The following PHACTR3 variants were observed in gnomAD, a reference collection of about 807,000 sequenced individuals.
PHACTR3 encodes protein phosphatase 1, regulatory subunit 123.
A neutral mutation model predicts 66.8 loss-of-function variants in PHACTR3; 16 were observed. That is an observed-to-expected ratio of 0.24 (90% CI 0.16 to 0.36). The LOEUF is 0.36. PHACTR3 is among the 10% of genes least tolerant of loss of function. PHACTR3 has a pLI of 1.00. For missense variants in PHACTR3, 647 were observed against 719.9 expected (o/e 0.90, Z 1.16); for synonymous variants, 323 against 292.1 (o/e 1.11, Z -1.08).
In PHACTR3 at chr20:59,661,247, TTGATGGC is replaced by T. The variant is rs11279062; in HGVS notation, c.118+56118_118+56124del. On this transcript the variant is annotated intron_variant, in intron 1 of 12. Coordinates refer to ENST00000371015, the MANE Select transcript of PHACTR3 (RefSeq NM_080672.5). ...TTTTCCTGCTGGACTGGGCTGCTTG[TTGATGGC>T]TGTGCCGTTAGGAGTGTGGAGCAGG... Among the ~76,000 whole-genome samples the T allele has an allele frequency of 7.4e-3, 1,132 of 152,262 alleles. 14 individuals carry two copies. Among genetic ancestry groups the T allele is most frequent in the African/African-American group, 0.026 (1,066 of 41,542 alleles).
chr20:59,680,568 T>C (rs1906525525), intron 1 of PHACTR3, among the ~76,000 whole-genome samples: 4 of 152,200 alleles, frequency 2.6e-5, no homozygotes, highest in Admixed American at 2.6e-4. Context: ...TAACCCAAGC[T>C]TGTCCAACCC....
At chr20:59,783,366 G>A (rs2040794739) in intron 7 of PHACTR3, among the ~76,000 whole-genome samples, 1 of 152,186 alleles carries the variant, frequency 6.6e-6, no homozygotes, top group South Asian at 2.1e-4. Context: ...CCAAGCAGCA[G>A]AGCTCTCAGA....
At chr20:59,608,264 C>A (rs551745227) in intron 1 of PHACTR3, among the ~76,000 whole-genome samples, 1 of 152,060 alleles carries the variant, frequency 6.6e-6, no homozygotes, top group African/African-American at 2.4e-5. Context: ...GACTGTGTGG[C>A]GGGGATGAAA....
intron 7 of PHACTR3, among the ~76,000 whole-genome samples, chr20:59,794,445 G>T (rs2041195543): frequency 6.6e-6 from 1 of 152,104 alleles, no homozygotes; most frequent in Non-Finnish European, 1.5e-5. Flanking sequence ...AATCTAGTTT[G>T]CTATTATTTT....
intron 1 of PHACTR3, among the ~76,000 whole-genome samples, chr20:59,741,578 G>A (rs77984953): frequency 0.022 from 3,424 of 152,260 alleles, 61 homozygotes; most frequent in Non-Finnish European, 0.036. Context: ...TGGAGGTGAC[G>A]CTGGCTTACT....
intron 8 of PHACTR3, among the ~76,000 whole-genome samples, chr20:59,812,408 C>T (rs2041762924): frequency 6.6e-6 from 1 of 152,228 alleles, no homozygotes; most frequent in Admixed American, 6.5e-5. Flanking sequence ...CTCAGGTGTC[C>T]TCCCGGGCTG....
At chr20:59,786,831 T>A (rs977241569) in intron 7 of PHACTR3, among the ~76,000 whole-genome samples, 4 of 152,124 alleles carry the variant, frequency 2.6e-5, no homozygotes, top group African/African-American at 9.7e-5. Context: ...AGTTGACGGG[T>A]GTCCATGGAG....
intron 1 of PHACTR3, among the ~76,000 whole-genome samples, chr20:59,623,737 T>C (rs938789922): frequency 6.6e-6 from 1 of 151,944 alleles, no homozygotes; most frequent in Non-Finnish European, 1.5e-5. Context: ...GTGGTGGCCA[T>C]GTGGTGGGAG....
intron 1 of PHACTR3, among the ~76,000 whole-genome samples, chr20:59,641,687 A>G (rs6027014): frequency 9.1e-4 from 139 of 152,340 alleles, no homozygotes; most frequent in African/African-American, 3.2e-3. Flanking sequence ...GGCCCAGTCA[A>G]GTTGACACAT....
chr20:59,677,300 C>A (rs887291366), intron 1 of PHACTR3, among the ~76,000 whole-genome samples: 7 of 152,136 alleles, frequency 4.6e-5, no homozygotes, highest in African/African-American at 1.7e-4. Context: ...GCTCCACTAT[C>A]AGGAGTCATT....
intron 1 of PHACTR3, among the ~76,000 whole-genome samples, chr20:59,690,744 C>T (rs1288151227): frequency 6.6e-6 from 1 of 152,138 alleles, no homozygotes; most frequent in Admixed American, 6.5e-5. Flanking sequence ...GAAAGGGAAC[C>T]ACCTCCAGTT....
exon 1 of PHACTR3, chr20:59,577,549 C>T: frequency 1.7e-6 from 2 of 1,188,740 alleles, no homozygotes; most frequent in Non-Finnish European, 2.1e-6. Flanking sequence ...TGTCCTGCGC[C>T]CCTGCGCTCG....
chr20:59,828,050 C>G (rs1481355087), intron 8 of PHACTR3, among the ~76,000 whole-genome samples: 1 of 152,178 alleles, frequency 6.6e-6, no homozygotes, highest in Non-Finnish European at 1.5e-5. Flanking sequence ...GAAGACTGGC[C>G]CCCCATTCCA....
chr20:59,589,795 A>C (rs2033137532), intron 1 of PHACTR3, among the ~76,000 whole-genome samples: 1 of 152,272 alleles, frequency 6.6e-6, no homozygotes, highest in Non-Finnish European at 1.5e-5. Context: ...AAGTGAAAGA[A>C]AAGAAGTAAA....
At chr20:59,722,815 C>G (rs756435188) in intron 1 of PHACTR3, among the ~76,000 whole-genome samples, 2 of 151,944 alleles carry the variant, frequency 1.3e-5, no homozygotes, top group Non-Finnish European at 2.9e-5. Flanking sequence ...TGGGAGGAGC[C>G]TCTGCTCACG....
chr20:59,750,643 C>T (rs1032288238), intron 3 of PHACTR3, among the ~76,000 whole-genome samples: 4 of 152,120 alleles, frequency 2.6e-5, no homozygotes, highest in Admixed American at 6.5e-5. Flanking sequence ...GGCATGACCA[C>T]GCTGCTGCGG....
intron 1 of PHACTR3, among the ~76,000 whole-genome samples, chr20:59,613,278 C>T (rs960713947): frequency 2.6e-5 from 4 of 152,338 alleles, no homozygotes; most frequent in Admixed American, 6.5e-5. Context: ...AGCATGATGG[C>T]GTCCCTGTCG....
chr20:59,708,239 G>C (rs774829199), intron 1 of PHACTR3, among the ~76,000 whole-genome samples: 1 of 152,228 alleles, frequency 6.6e-6, no homozygotes, highest in Admixed American at 6.5e-5. Flanking sequence ...ACGTGCTACT[G>C]TAGTGATCTG....
intron 1 of PHACTR3, among the ~76,000 whole-genome samples, chr20:59,701,254 G>T (rs1355890172): frequency 6.6e-6 from 1 of 152,160 alleles, no homozygotes; most frequent in East Asian, 1.9e-4. Flanking sequence ...CCGTGTCTTC[G>T]TACTCTGCAC....
Sources: allele counts gnomAD v4.1 joint callset (sites outside exome capture counted in the v4.1 genomes callset), GRCh38; gene constraint gnomAD v4.1.1; transcripts MANE v1.5; gene names NCBI Gene and HGNC (gene_info 2026-07-23, HGNC 2026-07-21).